AKAP19: variants seen among roughly 807,000 people sequenced by gnomAD.
The protein encoded by AKAP19 is small A-kinase anchoring protein.
the AKAP19 span, among the ~76,000 whole-genome samples, chr2:189,946,280 A>G: frequency 1.3e-5 from 2 of 152,222 alleles, no homozygotes; most frequent in African/African-American, 4.8e-5. Flanking sequence ...TTCTGATCTT[A>G]TATGAATCTA....
the AKAP19 span, among the ~76,000 whole-genome samples, chr2:190,062,930 A>G: frequency 6.6e-6 from 1 of 152,142 alleles, no homozygotes; most frequent in African/African-American, 2.4e-5. Context: ...AAATAAATCT[A>G]CAAATAATAA....
the AKAP19 span, among the ~76,000 whole-genome samples, chr2:190,005,743 G>A: frequency 6.6e-6 from 1 of 152,220 alleles, no homozygotes; most frequent in African/African-American, 2.4e-5. Flanking sequence ...AAAAGGCAGT[G>A]CTGTTTTCTT....
At chr2:190,085,964 A>G in the AKAP19 span, among the ~76,000 whole-genome samples, 2 of 152,210 alleles carry the variant, frequency 1.3e-5, no homozygotes, top group Non-Finnish European at 2.9e-5. Context: ...AATAGCCAAA[A>G]AACAAACCTA....
the AKAP19 span, among the ~76,000 whole-genome samples, chr2:190,097,859 C>CAAA: frequency 5.3e-3 from 338 of 63,834 alleles, 1 homozygote; most frequent in Middle Eastern, 9.8e-3. Context: ...TGGTTTCTAC[C>CAAA]AAAAAAAAAA....
chr2:190,015,715 T>C, the AKAP19 span, among the ~76,000 whole-genome samples: 1 of 152,224 alleles, frequency 6.6e-6, no homozygotes, highest in East Asian at 1.9e-4. Context: ...GCTTCCCTTT[T>C]ATGTATAAGT....
At chr2:190,182,682 C>G in the AKAP19 span, among the ~76,000 whole-genome samples, 1 of 152,152 alleles carries the variant, frequency 6.6e-6, no homozygotes, top group Non-Finnish European at 1.5e-5. Flanking sequence ...TTAACCCAAA[C>G]AGTGCAGGGT....
chr2:190,182,319 A>C, the AKAP19 span, among the ~76,000 whole-genome samples: 3 of 152,206 alleles, frequency 2.0e-5, no homozygotes, highest in Non-Finnish European at 2.9e-5. Context: ...TTTTCTGCAA[A>C]AAGGATCTGA....
the AKAP19 span, among the ~76,000 whole-genome samples, chr2:190,082,754 T>C: frequency 6.6e-6 from 1 of 152,188 alleles, no homozygotes; most frequent in Non-Finnish European, 1.5e-5. Flanking sequence ...GTTTAACTTA[T>C]CAAAGACTAA....
chr2:189,993,673 G>GTTTCAAT, the AKAP19 span, among the ~76,000 whole-genome samples: 1 of 151,698 alleles, frequency 6.6e-6, no homozygotes, highest in African/African-American at 2.4e-5. Flanking sequence ...TTTTATTATT[G>GTTTCAAT]TTTCAATCTC....
the AKAP19 span, among the ~76,000 whole-genome samples, chr2:190,101,392 G>A: frequency 6.5e-4 from 99 of 152,158 alleles, 2 homozygotes; most frequent in Non-Finnish European, 2.2e-4. Flanking sequence ...CCATTGCTGG[G>A]TACCCTATCC....
At chr2:190,135,628 C>T in the AKAP19 span, among the ~76,000 whole-genome samples, 7 of 152,282 alleles carry the variant, frequency 4.6e-5, no homozygotes, top group East Asian at 1.9e-4. Flanking sequence ...CCCAGCTCTA[C>T]GGCTTACCGT....
chr2:190,135,953 C>A, the AKAP19 span, among the ~76,000 whole-genome samples: 1 of 152,130 alleles, frequency 6.6e-6, no homozygotes, highest in African/African-American at 2.4e-5. Context: ...GAATTTGGAA[C>A]AGTTTTATGG....
the AKAP19 span, among the ~76,000 whole-genome samples, chr2:189,978,545 A>G: frequency 6.6e-6 from 1 of 152,204 alleles, no homozygotes; most frequent in Non-Finnish European, 1.5e-5. Flanking sequence ...TGAACCTTGG[A>G]GGCGAAGTTT....
chr2:189,974,944 T>C, the AKAP19 span, among the ~76,000 whole-genome samples: 1 of 152,190 alleles, frequency 6.6e-6, no homozygotes, highest in African/African-American at 2.4e-5. Context: ...AATTTGCCAG[T>C]CTGTGTCTTT....
At chr2:189,992,110 T>G in the AKAP19 span, among the ~76,000 whole-genome samples, 4 of 150,526 alleles carry the variant, frequency 2.7e-5, no homozygotes, top group African/African-American at 9.8e-5. Context: ...AGTGCAGTGG[T>G]GCGATCTCTG....
the AKAP19 span, among the ~76,000 whole-genome samples, chr2:190,194,731 T>C: frequency 1.3e-5 from 2 of 152,236 alleles, no homozygotes; most frequent in African/African-American, 4.8e-5. Context: ...CTGGTCTTTT[T>C]ACTGTCTCCA....
chr2:190,198,276 C>A, the AKAP19 span, among the ~76,000 whole-genome samples: 1 of 152,136 alleles, frequency 6.6e-6, no homozygotes, highest in South Asian at 2.1e-4. Flanking sequence ...GCAAACATCA[C>A]CTCCTCTGGA....
At chr2:190,112,942 T>TA in the AKAP19 span, among the ~76,000 whole-genome samples, 3 of 152,234 alleles carry the variant, frequency 2.0e-5, no homozygotes, top group Admixed American at 2.0e-4. Flanking sequence ...TCTTTTTTTT[T>TA]ATTATTAAAT....
the AKAP19 span, among the ~76,000 whole-genome samples, chr2:189,888,213 C>T: frequency 0.039 from 5,991 of 152,210 alleles, 181 homozygotes; most frequent in African/African-American, 0.068. Context: ...ATAGGGAATC[C>T]TTTTCCCATT....
Sources: allele counts gnomAD v4.1 joint callset (sites outside exome capture counted in the v4.1 genomes callset), GRCh38; gene constraint gnomAD v4.1.1; transcripts MANE v1.5; gene names NCBI Gene and HGNC (gene_info 2026-07-23, HGNC 2026-07-21).